SIPA1L3: variants seen among roughly 807,000 people sequenced by gnomAD.
SIPA1L3 encodes the protein signal-induced proliferation-associated 1-like protein 3.
Under a neutral mutation model 150.1 loss-of-function variants are expected in SIPA1L3, and 59 were observed. The ratio of observed to expected loss-of-function variants is 0.39; its 90% CI spans 0.32 to 0.49. SIPA1L3 has a LOEUF of 0.49. Ranked by LOEUF, SIPA1L3 falls within the 20% of genes least tolerant of loss-of-function variation. The pLI is 0.86. For missense variants in SIPA1L3, 2,211 were observed against 2,489.5 expected (o/e 0.89, Z 2.38); for synonymous variants, 1,070 against 1,077.6 (o/e 0.99, Z 0.14).
chr19:38,149,336 C>T (rs898554013), intron 12 of SIPA1L3, among the ~76,000 whole-genome samples: 4 of 151,962 alleles, frequency 2.6e-5, no homozygotes, highest in Non-Finnish European at 5.9e-5. Flanking sequence ...AGTGGAAGTT[C>T]GCGTCACTGC....
intron 1 of SIPA1L3, among the ~76,000 whole-genome samples, chr19:37,947,928 G>C (rs1046414624): frequency 2.0e-5 from 3 of 152,174 alleles, no homozygotes; most frequent in African/African-American, 4.8e-5. Context: ...CCTCTGCCCT[G>C]GCCAAGACTT....
intron 1 of SIPA1L3, among the ~76,000 whole-genome samples, chr19:37,953,483 G>C (rs1037006229): frequency 6.6e-6 from 1 of 152,172 alleles, no homozygotes; most frequent in Non-Finnish European, 1.5e-5. Flanking sequence ...ATATTCAAGA[G>C]GGTAATCACT....
chr19:38,049,816 C>T (rs931534690), intron 2 of SIPA1L3, among the ~76,000 whole-genome samples: 2 of 152,032 alleles, frequency 1.3e-5, no homozygotes, highest in Non-Finnish European at 2.9e-5. Context: ...ATACCTCTCG[C>T]CACTTTGCTG....
Position 38,100,066 on chromosome 19 carries a change from C to T in SIPA1L3, c.1770C>T (p.Ile590=), listed in dbSNP as rs146340391. Residue 590 remains isoleucine (I), a synonymous_variant, in exon 5 of 22, where the codon ATC becomes ATT. Coordinates refer to ENST00000222345, the MANE Select transcript of SIPA1L3 (RefSeq NM_015073.3). The stretch of plus-strand genomic sequence containing the variant: ...TGAAGGATGCCCTGGAGTATGTCAT[C>T]CCCGAGCTCAACATCCACTGCCTGC... The part of the protein sequence containing the change: ...LPLKDALEYV[I]PELNIHCLRL... 6.2e-6 allele frequency: 10 copies of T among 1,612,602 alleles called. No homozygotes were observed. In the Admixed American group the frequency reaches 8.4e-5, roughly 14 times the overall value.
chr19:38,092,063 CAA>C (rs58074748), intron 4 of SIPA1L3, among the ~76,000 whole-genome samples: 28 of 96,902 alleles, frequency 2.9e-4, no homozygotes, highest in Admixed American at 3.6e-4. Context: ...GACTCCATCT[CAA>C]AAAAAAAAAA....
chr19:37,972,416 C>G (rs886582094), intron 1 of SIPA1L3, among the ~76,000 whole-genome samples: 12 of 152,104 alleles, frequency 7.9e-5, no homozygotes, highest in African/African-American at 2.9e-4. Context: ...TTTGTAAGAA[C>G]TGTGGGCTGG....
chr19:38,160,503 G>A (rs1057240600), intron 13 of SIPA1L3, among the ~76,000 whole-genome samples: 6 of 151,562 alleles, frequency 4.0e-5, no homozygotes, highest in African/African-American at 1.5e-4. Context: ...CCAGGTCCAA[G>A]CGATTCTTCT....
intron 16 of SIPA1L3, chr19:38,183,070 G>T: frequency 3.7e-6 from 1 of 271,756 alleles, no homozygotes; most frequent in Non-Finnish European, 6.9e-6. Flanking sequence ...TGACACGGTT[G>T]CCTGTGGGCA....
intron 1 of SIPA1L3, among the ~76,000 whole-genome samples, chr19:37,927,644 A>G (rs2046516192): frequency 8.5e-6 from 1 of 117,996 alleles, no homozygotes; most frequent in South Asian, 3.1e-4. Flanking sequence ...CACTTAGAAT[A>G]AGAACATGGG....
chr19:37,910,443 C>A (rs2046368271), intron 1 of SIPA1L3, among the ~76,000 whole-genome samples: 1 of 151,582 alleles, frequency 6.6e-6, no homozygotes, highest in African/African-American at 2.4e-5. Flanking sequence ...CATCTCTAGT[C>A]CCAGCTACCC....
chr19:38,191,826 G>C (rs1291161748), intron 16 of SIPA1L3, among the ~76,000 whole-genome samples: 1 of 152,060 alleles, frequency 6.6e-6, no homozygotes, highest in African/African-American at 2.4e-5. Context: ...ACAAAAAAAA[G>C]CCTCTCCCCT....
chr19:38,134,707 GAAAAAA>G (rs3083628), intron 10 of SIPA1L3, among the ~76,000 whole-genome samples: 4 of 91,038 alleles, frequency 4.4e-5, no homozygotes, highest in African/African-American at 9.0e-5. Flanking sequence ...TCTGTTTCAG[GAAAAAA>G]AAAAAAAAAA....
At chr19:38,080,596 G>A (rs1411700669) in intron 2 of SIPA1L3, among the ~76,000 whole-genome samples, 2 of 152,082 alleles carry the variant, frequency 1.3e-5, no homozygotes, top group African/African-American at 4.8e-5. Context: ...ATGTAGATGA[G>A]TATGATAATG....
chr19:37,947,884 A>G (rs1482959685), intron 1 of SIPA1L3, among the ~76,000 whole-genome samples: 1 of 152,070 alleles, frequency 6.6e-6, no homozygotes, highest in Non-Finnish European at 1.5e-5. Context: ...CACTTTCCCT[A>G]TGCTGGAGTT....
At chr19:38,085,031 C>T (rs1046555477) in intron 3 of SIPA1L3, among the ~76,000 whole-genome samples, 2 of 152,138 alleles carry the variant, frequency 1.3e-5, no homozygotes, top group Non-Finnish European at 2.9e-5. Context: ...ACTGGAGCTC[C>T]AACTTGGAGT....
chr19:37,950,009 A>G (rs2046747967), intron 1 of SIPA1L3, among the ~76,000 whole-genome samples: 1 of 145,514 alleles, frequency 6.9e-6, no homozygotes, highest in African/African-American at 2.6e-5. Flanking sequence ...CCCGGGAGGC[A>G]GAGGTTGCAG....
chr19:38,152,753 T>G, intron 12 of SIPA1L3, 87 bp from the exon 13 acceptor site: 1 of 1,454,284 alleles, frequency 6.9e-7, no homozygotes, highest in South Asian at 1.4e-5. Flanking sequence ...TAAAACCCAC[T>G]GGCGAGCAAG....
intron 9 of SIPA1L3, 77 bp downstream of exon 9, chr19:38,119,959 C>A: frequency 9.7e-7 from 1 of 1,025,906 alleles, no homozygotes; most frequent in African/African-American, 1.6e-5. Context: ...ACTTCCCTAG[C>A]CCAGTCAGTT....
intron 1 of SIPA1L3, among the ~76,000 whole-genome samples, chr19:37,979,103 T>G (rs1352377804): frequency 6.6e-6 from 1 of 152,152 alleles, no homozygotes; most frequent in African/African-American, 2.4e-5. Flanking sequence ...ACATGGCAGC[T>G]GGGCTCAACA....
Sources: gnomAD v4.1 joint callset for allele counts (sites outside exome capture counted in the v4.1 genomes callset) on GRCh38, gnomAD v4.1.1 for gene constraint, MANE v1.5 for transcripts, NCBI Gene and HGNC (gene_info 2026-07-23, HGNC 2026-07-21) for gene names.